Variants in WDR27 observed in about 807,000 individuals in gnomAD.
WDR27 encodes WD repeat-containing protein 27.
Under a neutral mutation model 114.4 loss-of-function variants are expected in WDR27, and 100 were observed. The observed-to-expected ratio is 0.87, with a 90% CI of 0.74 to 1.03. The LOEUF is 1.03. Among genes scored for constraint, WDR27 ranks in the 50% least tolerant of loss-of-function variants. The pLI is 0.00. For synonymous variants in WDR27, 449 were observed against 423.1 expected (o/e 1.06, Z -0.75); for missense variants, 1,129 against 1,092.9 (o/e 1.03, Z -0.47).
intron 9 of WDR27, 87 bp downstream of exon 9, chr6:169,662,217 G>A: frequency 6.7e-7 from 1 of 1,491,658 alleles, no homozygotes. Flanking sequence ...TTTTATCTCA[G>A]TCATTCTTAG....
In WDR27 at chr6:169,591,781, G is replaced by A. The variant is rs535553837; in HGVS notation, c.2425-8847C>T. ...CAGCAGACAGTAGTGCATGCCTAAGGCAGCAGCAGCTTTAAGGCCTTGGGA... is the reference window on the plus strand; with the variant it reads ...CAGCAGACAGTAGTGCATGCCTAAGACAGCAGCAGCTTTAAGGCCTTGGGA... On this transcript the variant is annotated intron_variant, in intron 23 of 25. Transcript: ENST00000448612. Among the ~76,000 whole-genome samples the A allele has an allele frequency of 4.6e-5, 7 of 152,284 alleles. No individual in the cohort carries two copies. The South Asian group carries it at 1.5e-3, about 32-fold the overall frequency.
rs772816290 is a variant in WDR27 at position 169,650,965 on chromosome 6, T to C, written c.1481+965A>G. Among the ~76,000 whole-genome samples the C allele has an allele frequency of 3.6e-4, 55 of 152,126 alleles. 1 individual carries two copies. The highest frequency in any genetic ancestry group is 5.7e-4 in the Non-Finnish European group (39 of 68,022). On this transcript the variant is annotated intron_variant, in intron 14 of 25. Coordinates refer to ENST00000448612, the MANE Select transcript of WDR27 (RefSeq NM_182552.5). ...AACAGATAATAAGACACAGTCACCA[T>C]TGTTCAAGCCAGAGAACAAGCAGAG...
At position 169,686,523 on chromosome 6, in the gene WDR27, C is replaced by T. The variant is rs1585161516; in HGVS notation, c.189+2294G>A. Among the ~76,000 whole-genome samples, 5 of 152,044 alleles carry T rather than the reference C, an allele frequency of 3.3e-5. No homozygotes were observed. In the South Asian group the frequency reaches 8.3e-4, roughly 25 times the overall value. On this transcript the variant is annotated intron_variant, in intron 2 of 25. Transcript: ENST00000448612. Reference sequence around the variant, plus strand: ...TATATGTGGACTACGAGAAACTCATCTCACCAATAAAGACACACATAGTCT... The same window carrying T: ...TATATGTGGACTACGAGAAACTCATTTCACCAATAAAGACACACATAGTCT...
Position 169,602,308 on chromosome 6 carries a change from A to G in WDR27, c.2335T>C (p.Phe779Leu). 1 of 1,552,532 alleles carries G rather than the reference A, an allele frequency of 6.4e-7. No individual in the cohort carries two copies. Among genetic ancestry groups the G allele is most frequent in the Non-Finnish European group, 8.7e-7 (1 of 1,144,962 alleles). The change falls in exon 23 of 26, where the codon TTT becomes CTT. Residue 779 changes from phenylalanine to leucine, a missense_variant. Transcript: ENST00000448612. ...DLRTLRCERH[F>L]EGHPTRGYPC... is the part of the protein sequence containing the mutation. The stretch of plus-strand genomic sequence containing the variant: ...TAGCCGCGGGTTGGATGCCCTTCAA[A>G]GTGGCGCTCACACCTACAGGGAGGA...
intron 25 of WDR27, among the ~76,000 whole-genome samples, chr6:169,556,121 C>T (rs1798852843): frequency 6.6e-6 from 1 of 152,212 alleles, no homozygotes; most frequent in African/African-American, 2.4e-5. Flanking sequence ...CTCTCGCTTG[C>T]TGGCTGTGAG....
chr6:169,440,764 C>G, the WDR27 span, among the ~76,000 whole-genome samples: 1 of 152,274 alleles, frequency 6.6e-6, no homozygotes, highest in African/African-American at 2.4e-5. Context: ...GCAATACCCC[C>G]AAGACAACTT....
At chr6:169,484,774 A>G (rs1476237131) in intron 25 of WDR27, among the ~76,000 whole-genome samples, 1 of 152,220 alleles carries the variant, frequency 6.6e-6, no homozygotes, top group Non-Finnish European at 1.5e-5. Context: ...TTCAAACTAT[A>G]CTACAGGGCT....
intron 13 of WDR27, among the ~76,000 whole-genome samples, chr6:169,657,270 G>A (rs1448924080): frequency 6.6e-6 from 1 of 152,220 alleles, no homozygotes; most frequent in Non-Finnish European, 1.5e-5. Flanking sequence ...CACAGAAGGT[G>A]TTCGAGGCCT....
Position 169,701,839 on chromosome 6 carries a change from T to A in WDR27, c.-296A>T. On this transcript the variant is annotated 5_prime_UTR_variant, in exon 1 of 26. Coordinates refer to ENST00000448612, the MANE Select transcript of WDR27 (RefSeq NM_182552.5). ...CCGCGCAGCCCCCGCGCTCCAGCCC[T>A]GCGCCCTAGGCACACGCCCCAGAGC... 6.4e-6 allele frequency: 2 copies of A among 313,360 alleles called. No homozygotes were observed. Among genetic ancestry groups the A allele is most frequent in the South Asian group, 4.8e-5 (2 of 42,054 alleles). 19.4% of individuals were successfully genotyped at this position (313,360 alleles called of 1,614,324 possible).
intron 25 of WDR27, among the ~76,000 whole-genome samples, chr6:169,566,854 T>C (rs1800587176): frequency 6.6e-6 from 1 of 152,206 alleles, no homozygotes; most frequent in African/African-American, 2.4e-5. Flanking sequence ...AGATGTGCAT[T>C]TGAGACAGTG....
chr6:169,475,213 C>G (rs2115351511), intron 25 of WDR27, among the ~76,000 whole-genome samples: 2 of 152,314 alleles, frequency 1.3e-5, no homozygotes, highest in African/African-American at 4.8e-5. Context: ...ATATTTTCTT[C>G]TACTTATTTA....
At chr6:169,512,437 A>T (rs1793020208) in intron 25 of WDR27, among the ~76,000 whole-genome samples, 1 of 152,340 alleles carries the variant, frequency 6.6e-6, no homozygotes, top group Admixed American at 6.5e-5. Context: ...ATTAAATTAA[A>T]TTTTAAATCA....
Position 169,670,711 on chromosome 6 carries a change from A to G in WDR27, c.332-18T>C. On this transcript the variant is annotated intron_variant, in intron 3 of 25. Transcript: ENST00000448612. ...GACCAGCCCTAGAGTGAGTTTCACC[A>G]TTAGTGCCAGTTTACCAAATGCATT... 6.2e-7 allele frequency: 1 copy of G among 1,613,252 alleles called. No homozygotes were observed. The highest frequency in any genetic ancestry group is 8.5e-7 in the Non-Finnish European group (1 of 1,179,496).
intron 25 of WDR27, among the ~76,000 whole-genome samples, chr6:169,479,303 T>C (rs1787619687): frequency 6.6e-6 from 1 of 151,990 alleles, no homozygotes; most frequent in African/African-American, 2.4e-5. Context: ...TTATCAGAAA[T>C]CATCAGGGAA....
the WDR27 span, among the ~76,000 whole-genome samples, chr6:169,438,560 C>T: frequency 6.6e-6 from 1 of 152,160 alleles, no homozygotes; most frequent in Non-Finnish European, 1.5e-5. Context: ...TTCTAAAAGC[C>T]ATGCATTCCC....
intron 21 of WDR27, among the ~76,000 whole-genome samples, chr6:169,631,110 G>A (rs931212409): frequency 2.0e-5 from 3 of 152,108 alleles, no homozygotes; most frequent in Non-Finnish European, 2.9e-5. Flanking sequence ...GAAACATGGA[G>A]TATTACACAC....
the WDR27 span, among the ~76,000 whole-genome samples, chr6:169,446,549 A>AG: frequency 6.6e-6 from 1 of 152,232 alleles, no homozygotes; most frequent in African/African-American, 2.4e-5. Context: ...GAGCATCTGC[A>AG]GGGGGCAGGA....
intron 25 of WDR27, among the ~76,000 whole-genome samples, chr6:169,569,096 G>A (rs922964241): frequency 2.0e-5 from 3 of 152,180 alleles, no homozygotes; most frequent in Admixed American, 6.5e-5. Flanking sequence ...ATGCACAGAG[G>A]TTGGAGTGGC....
chr6:169,688,900 G>C lies in WDR27; in HGVS notation c.106C>G (p.Leu36Val), dbSNP rs1292999841. 1 of 1,613,844 alleles carries C rather than the reference G, an allele frequency of 6.2e-7. No homozygotes were observed. Among genetic ancestry groups the C allele is most frequent in the Non-Finnish European group, 8.5e-7 (1 of 1,179,876 alleles). ...ESKESVSHVQ[L>V]ACSMQDCAFP... ...GCACAGTCCTGCATGCTGCAAGCAAGCTGAACATGAGACACAGACTCCTTG... is the reference window on the plus strand; with the variant it reads ...GCACAGTCCTGCATGCTGCAAGCAACCTGAACATGAGACACAGACTCCTTG... The change falls in exon 2 of 26, where the codon CTT (leucine) becomes GTT (valine). Residue 36 changes from leucine (L) to valine (V), a missense_variant. Coordinates refer to ENST00000448612, the MANE Select transcript of WDR27 (RefSeq NM_182552.5).
Sources: gnomAD v4.1 joint callset for allele counts (sites outside exome capture counted in the v4.1 genomes callset) on GRCh38, gnomAD v4.1.1 for gene constraint, MANE v1.5 for transcripts, NCBI Gene and HGNC (gene_info 2026-07-23, HGNC 2026-07-21) for gene names.